The following KHSRP variants were observed in gnomAD, a reference collection of about 807,000 sequenced individuals.
KHSRP encodes the protein KH-type splicing regulatory protein.
A neutral mutation model predicts 94.9 loss-of-function variants in KHSRP; 13 were observed. That is an observed-to-expected ratio of 0.14 (90% CI 0.09 to 0.22). The LOEUF is 0.22. Ranked by LOEUF, KHSRP falls within the 10% of genes least tolerant of loss-of-function variation. The pLI, the probability that KHSRP is intolerant of heterozygous loss-of-function variation, is 1.00. For synonymous variants in KHSRP, 495 were observed against 401.4 expected (o/e 1.23, Z -2.79); for missense variants, 710 against 1,010.0 (o/e 0.70, Z 4.03).
Position 6,415,826 on chromosome 19 carries a change from G to C in KHSRP, c.1669C>G (p.Pro557Ala), listed in dbSNP as rs568677654. The C allele has an allele frequency of 6.4e-7, 1 of 1,574,134 alleles. No individual in the cohort carries two copies. Among genetic ancestry groups the C allele is most frequent in the African/African-American group, 1.3e-5 (1 of 74,312 alleles). The change falls in exon 16 of 19, where the codon CCT becomes GCT. Residue 557 changes from proline (P) to alanine (A), a missense_variant. Transcript: ENST00000600480. ...CACTTACTTGGGTCATGAGGAGCAG[G>C]CGGCTGCCACTGGGGGTAGGTATTG... Reference protein sequence around the residue: ...WGNTYPQWQPPAPHDPSKAAA... With the variant: ...WGNTYPQWQPAAPHDPSKAAA...
In KHSRP at chr19:6,424,792, A is replaced by G; in HGVS notation, c.-91T>C. 7.5e-6 allele frequency: 3 copies of G among 400,988 alleles called. No individual in the cohort carries two copies. Among genetic ancestry groups the G allele is most frequent in the Non-Finnish European group, 1.0e-5 (3 of 294,096 alleles). 24.8% of individuals were successfully genotyped at this position (400,988 alleles called of 1,614,324 possible). A position where few individuals can be genotyped will look rare whatever the true frequency, so the allele number is the denominator to read the frequency against. On this transcript the variant is annotated 5_prime_UTR_variant, in exon 1 of 19. Coordinates refer to ENST00000600480, the MANE Select transcript of KHSRP (RefSeq NM_001366299.1). ...CAACGCGGGAACAAGGCCTCGCTCC[A>G]CACGGCCGCGGAGCACTCTGGGAAC...
In KHSRP at chr19:6,420,062, C is replaced by A; in HGVS notation, c.547+11G>T. The A allele has an allele frequency of 6.2e-7, 1 of 1,608,488 alleles. No homozygotes were observed. The highest frequency in any genetic ancestry group is 8.5e-7 in the Non-Finnish European group (1 of 1,175,078). ...GGCCCCCACTCTGGCAGGAACCTGA[C>A]GCTCTTATACCTGGAGAAATCTGTA... On this transcript the variant is annotated intron_variant, in intron 6 of 18. Transcript: ENST00000600480.
intron 2 of KHSRP, 51 bp downstream of exon 2, chr19:6,422,289 T>A: frequency 1.5e-6 from 2 of 1,293,852 alleles, no homozygotes; most frequent in South Asian, 2.4e-5. Context: ...AAAGCACCTC[T>A]TTAGGCCCCC....
chr19:6,417,016 T>C lies in KHSRP; in HGVS notation c.1153A>G (p.Ile385Val), dbSNP rs2092152279. ...AGGCTCTGGAGGAGGTCGTTGATGA[T>C]CCGGGCTGCGTGCTCGCACCTGTCT... ...PPDRCEHAAR[I>V]INDLLQSLRS... The change falls in exon 12 of 19, where the codon ATC (isoleucine) becomes GTC (valine). Residue 385 changes from isoleucine to valine, a missense_variant. Physicochemically the swap from Ile to Val is conservative, Grantham distance 29. Around this residue, in one of 5 missense-constraint regions of KHSRP, gnomAD observed 288 missense variants for 501.1 expected, o/e 0.57. Transcript: ENST00000600480. 6.2e-7 allele frequency: 1 copy of C among 1,613,598 alleles called. No individual in the cohort carries two copies. Among genetic ancestry groups the C allele is most frequent in the African/African-American group, 1.3e-5 (1 of 74,894 alleles).
Position 6,418,746 on chromosome 19 carries a change from C to T in KHSRP, c.736G>A (p.Gly246Ser), listed in dbSNP as rs770901343. The T allele has an allele frequency of 6.2e-7, 1 of 1,613,258 alleles. No homozygotes were observed. Among genetic ancestry groups the T allele is most frequent in the Non-Finnish European group, 8.5e-7 (1 of 1,179,686 alleles). ...QEIMIPAGKA[G>S]LVIGKGGETI... ...TCCCCGCCCTTGCCAATGACCAGGC[C>T]GGCCTTGCCCGCGGGGATCATGATC... The change falls in exon 8 of 19, where the codon GGC becomes AGC. Residue 246 changes from glycine to serine, a missense_variant. By Grantham distance (56) the Gly-to-Ser change is moderately conservative. Coordinates refer to ENST00000600480, the MANE Select transcript of KHSRP (RefSeq NM_001366299.1). The surrounding 1 kb of genome is among the most constrained non-coding windows in gnomAD (Gnocchi z 4.3).
intron 1 of KHSRP, among the ~76,000 whole-genome samples, chr19:6,423,983 C>T (rs558112587): frequency 1.1e-4 from 17 of 152,204 alleles, no homozygotes; most frequent in Non-Finnish European, 1.2e-4. Context: ...TCCACTTTCC[C>T]GACTGAAGAG....
At chr19:6,416,017 G>C in intron 15 of KHSRP, 121 bp from the exon 16 acceptor site, 2 of 690,600 alleles carry the variant, frequency 2.9e-6, no homozygotes, top group Non-Finnish European at 4.8e-6. Flanking sequence ...CAGGCTCAAC[G>C]GGGCGCCTGG....
chr19:6,419,173 A>G, intron 7 of KHSRP, 30 bp downstream of exon 7: 2 of 1,562,990 alleles, frequency 1.3e-6, no homozygotes, highest in East Asian at 2.4e-5. Context: ...TGCCCCCCAC[A>G]TCACAATGAG....
intron 6 of KHSRP, among the ~76,000 whole-genome samples, chr19:6,419,837 T>TGCTA (rs1400051128): frequency 1.3e-5 from 2 of 152,172 alleles, no homozygotes; most frequent in African/African-American, 4.8e-5. Flanking sequence ...CTGTGCGAAA[T>TGCTA]GCTAGCCCTG....
intron 4 of KHSRP, 43 bp downstream of exon 4, chr19:6,421,235 G>A (rs2092193084): frequency 1.3e-6 from 2 of 1,554,348 alleles, no homozygotes; most frequent in Admixed American, 1.9e-5. Context: ...CCAGTCTGCT[G>A]GCCAACAGAC....
intron 6 of KHSRP, 100 bp downstream of exon 6, chr19:6,419,973 G>A (rs1466254925): frequency 1.5e-5 from 14 of 908,216 alleles, no homozygotes; most frequent in Admixed American, 2.1e-5. Context: ...GCGCCAGCTC[G>A]CTTCCTGTCC....
rs1409011343 is a variant in KHSRP, at chr19:6,415,714, C to T, written c.1708G>A (p.Ala570Thr). The change falls in exon 17 of 19, where the codon GCG (alanine) becomes ACG (threonine). Residue 570 changes from alanine to threonine, a missense_variant. Ala to Thr is a moderately conservative substitution (Grantham distance 58). Around this residue, in one of 5 missense-constraint regions of KHSRP, gnomAD observed 292 missense variants for 340.5 expected, o/e 0.86. Coordinates refer to ENST00000600480, the MANE Select transcript of KHSRP (RefSeq NM_001366299.1). ...GCGGCCCACGCGGCGTTGGGGTCCG[C>T]GGCCGCTGCAGCTGCTTTGCCTGCA... ...HDPSKAAAAAADPNAAWAAYY... is the reference protein window; with the variant it reads ...HDPSKAAAAATDPNAAWAAYY... 76 of 1,549,434 alleles carry T rather than the reference C, an allele frequency of 4.9e-5. No individual in the cohort carries two copies. Among genetic ancestry groups the T allele is most frequent in the Non-Finnish European group, 6.0e-5 (69 of 1,146,896 alleles).
chr19:6,420,856 T>C (rs920976559), intron 4 of KHSRP: 39 of 374,258 alleles, frequency 1.0e-4, no homozygotes, highest in Admixed American at 2.1e-4. Flanking sequence ...TGTGTCAGGT[T>C]CACCTCAGTC....
At chr19:6,423,929 T>C (rs2092211371) in intron 1 of KHSRP, among the ~76,000 whole-genome samples, 1 of 152,178 alleles carries the variant, frequency 6.6e-6, no homozygotes, top group African/African-American at 2.4e-5. Flanking sequence ...CCCATGCTCG[T>C]CTTCCCCATT....
At position 6,413,997 on chromosome 19, in the gene KHSRP, A is replaced by G. The variant is rs2092120761; in HGVS notation, c.*1027T>C. ...ACCCTGCTTGCCGCGAGGGCTCCCC[A>G]GTACTCCCCACGGCAGCCATCGCTC... On this transcript the variant is annotated 3_prime_UTR_variant, in exon 19 of 19. Coordinates refer to ENST00000600480, the MANE Select transcript of KHSRP (RefSeq NM_001366299.1). The G allele has an allele frequency of 4.6e-6, 5 of 1,088,962 alleles. No individual in the cohort carries two copies. The highest frequency in any genetic ancestry group is 6.2e-6 in the Non-Finnish European group (5 of 808,258). The allele number at this position is 1,088,962 out of a possible 1,614,324, so 67.5% of individuals were successfully genotyped here.
Position 6,418,914 on chromosome 19 carries a change from C to G in KHSRP, c.606-38G>C. The G allele has an allele frequency of 6.6e-7, 1 of 1,509,784 alleles. No individual in the cohort carries two copies. The highest frequency in any genetic ancestry group is 8.8e-7 in the Non-Finnish European group (1 of 1,136,208). The allele number at this position is 1,509,784 out of a possible 1,614,324, so 93.5% of individuals were successfully genotyped here. The stretch of plus-strand genomic sequence containing the variant: ...GGAGCGGGGGATGAGCGGGTGCCAC[C>G]GCTGGAGAAAGGTACTGGTCTGGTG... On this transcript the variant is annotated intron_variant, in intron 7 of 18. Coordinates refer to ENST00000600480, the MANE Select transcript of KHSRP (RefSeq NM_001366299.1). This position sits in a 1 kb window ranked among gnomAD's most constrained non-coding sequence, Gnocchi z 4.3.
chr19:6,417,167 G>T, intron 11 of KHSRP, 80 bp from the exon 12 acceptor site: 2 of 1,096,348 alleles, frequency 1.8e-6, no homozygotes, highest in Non-Finnish European at 2.6e-6. Context: ...CGCCTCCAGC[G>T]CAGACACCAC....
chr19:6,415,751 G>A lies in KHSRP; in HGVS notation c.1688-17C>T, dbSNP rs746368203. ...CTGCTTTGCCTGCAGGAGATACCTCGGGTGAGACGGGGGGACAGAACAGGG... is the reference window on the plus strand; with the variant it reads ...CTGCTTTGCCTGCAGGAGATACCTCAGGTGAGACGGGGGGACAGAACAGGG... On this transcript the variant is annotated splice_polypyrimidine_tract_variant and intron_variant, in intron 16 of 18. Transcript: ENST00000600480. 46 of 1,550,930 alleles carry A rather than the reference G, an allele frequency of 3.0e-5. No individual in the cohort carries two copies. Among genetic ancestry groups the A allele is most frequent in the East Asian group, 1.7e-4 (7 of 41,018 alleles).
Position 6,418,055 on chromosome 19 carries a change from T to C in KHSRP, c.904A>G (p.Ile302Val). The C allele has an allele frequency of 7.4e-6, 12 of 1,613,918 alleles. No individual in the cohort carries two copies. The highest frequency in any genetic ancestry group is 1.0e-5 in the Non-Finnish European group (12 of 1,179,856). Reference protein sequence around the residue: ...VQQACEMVMDILRERDQGGFG... With the variant: ...VQQACEMVMDVLRERDQGGFG... The stretch of plus-strand genomic sequence containing the variant: ...CCGCCTTGGTCACGTTCCCGGAGGA[T>C]GTCCATCACCATCTCACAGGCTTGC... The change falls in exon 10 of 19, where the codon ATC becomes GTC. Residue 302 changes from isoleucine (I) to valine (V), a missense_variant. Physicochemically the swap from Ile to Val is conservative, Grantham distance 29. This residue lies in a region of KHSRP where 288 missense variants were observed against 501.1 expected (regional missense o/e 0.57). Transcript: ENST00000600480. This position sits in a 1 kb window ranked among gnomAD's most constrained non-coding sequence, Gnocchi z 4.3.
Sources: allele counts gnomAD v4.1 joint callset (sites outside exome capture counted in the v4.1 genomes callset), GRCh38; gene constraint gnomAD v4.1.1; regional missense constraint gnomAD v4.1.1; non-coding constraint Gnocchi (gnomAD v3.1); transcripts MANE v1.5; gene names NCBI Gene and HGNC (gene_info 2026-07-23, HGNC 2026-07-21).